Variants in ZNF423 observed in about 807,000 individuals in gnomAD.
ZNF423 encodes the protein Ebf-associated zinc finger protein.
A neutral mutation model predicts 95.8 loss-of-function variants in ZNF423; 12 were observed. The observed-to-expected ratio is 0.13, with a 90% CI of 0.08 to 0.20. The LOEUF (loss-of-function observed/expected upper bound fraction) is 0.20. Among genes scored for constraint, ZNF423 ranks in the 10% least tolerant of loss-of-function variants. ZNF423 has a pLI of 1.00. For missense variants in ZNF423, 1,316 were observed against 1,737.1 expected, an observed-to-expected ratio of 0.76 and a Z score of 4.31; for synonymous variants, 749 against 711.9, an observed-to-expected ratio of 1.05 and a Z score of -0.83.
At chr16:49,846,503 C>T (rs1381839371) in intron 1 of ZNF423, among the ~76,000 whole-genome samples, 1 of 152,134 alleles carries the variant, frequency 6.6e-6, no homozygotes, top group Admixed American at 6.5e-5. Flanking sequence ...AACAGTGAAT[C>T]TTCCCAAAAT....
intron 7 of ZNF423, among the ~76,000 whole-genome samples, chr16:49,504,293 C>T (rs1427233131): frequency 1.3e-5 from 2 of 152,214 alleles, no homozygotes; most frequent in African/African-American, 4.8e-5. Flanking sequence ...AGGCCAGGCA[C>T]AGTGGCTCAC....
At chr16:49,578,347 C>A (rs916686106) in intron 5 of ZNF423, among the ~76,000 whole-genome samples, 1 of 152,230 alleles carries the variant, frequency 6.6e-6, no homozygotes, top group African/African-American at 2.4e-5. Flanking sequence ...TGCTAAGGGT[C>A]TTCTTCATTT....
At chr16:49,834,234 C>T (rs1294089778) in intron 1 of ZNF423, among the ~76,000 whole-genome samples, 1 of 152,170 alleles carries the variant, frequency 6.6e-6, no homozygotes. Flanking sequence ...AAGTGACTTC[C>T]TCTCTCGGTG....
chr16:49,496,512 T>G (rs1435713438), intron 7 of ZNF423, among the ~76,000 whole-genome samples: 4 of 152,212 alleles, frequency 2.6e-5, no homozygotes, highest in Admixed American at 2.0e-4. Flanking sequence ...TCCATCATCA[T>G]TGGAAGCTTC....
At chr16:49,706,233 T>G (rs2032346074) in intron 3 of ZNF423, among the ~76,000 whole-genome samples, 1 of 152,132 alleles carries the variant, frequency 6.6e-6, no homozygotes, top group Admixed American at 6.5e-5. Flanking sequence ...CCCTCACCAC[T>G]CCCCATCAAA....
chr16:49,733,601 G>A (rs961992451), intron 2 of ZNF423, among the ~76,000 whole-genome samples: 4 of 152,280 alleles, frequency 2.6e-5, no homozygotes, highest in Middle Eastern at 3.4e-3. Context: ...CCCTATGGCC[G>A]GCTACTAATG....
chr16:49,843,380 G>A (rs1465145861), intron 1 of ZNF423, among the ~76,000 whole-genome samples: 1 of 152,092 alleles, frequency 6.6e-6, no homozygotes, highest in East Asian at 1.9e-4. Context: ...TAGACTAATG[G>A]TTCCTAACCC....
chr16:49,791,261 G>T (rs922646438), intron 1 of ZNF423, among the ~76,000 whole-genome samples: 2 of 152,170 alleles, frequency 1.3e-5, no homozygotes, highest in African/African-American at 4.8e-5. Context: ...TACAGCTGGG[G>T]TGGGTTTTCA....
At chr16:49,770,742 A>G (rs1470078145) in intron 2 of ZNF423, among the ~76,000 whole-genome samples, 3 of 152,180 alleles carry the variant, frequency 2.0e-5, no homozygotes, top group Non-Finnish European at 4.4e-5. Flanking sequence ...CGGGCCTACA[A>G]GAGATCATCT....
At chr16:49,510,161 T>G (rs1202500480) in intron 7 of ZNF423, among the ~76,000 whole-genome samples, 4 of 152,200 alleles carry the variant, frequency 2.6e-5, no homozygotes, top group African/African-American at 9.6e-5. Context: ...AGATGTTGCC[T>G]CCTCCATGTG....
intron 5 of ZNF423, among the ~76,000 whole-genome samples, chr16:49,554,735 G>A: frequency 6.6e-6 from 1 of 151,872 alleles, no homozygotes; most frequent in South Asian, 2.1e-4. Context: ...GATTATTGTA[G>A]GAAATTTGCA....
chr16:49,611,004 C>T (rs552978909), intron 5 of ZNF423, among the ~76,000 whole-genome samples: 11 of 152,110 alleles, frequency 7.2e-5, no homozygotes, highest in African/African-American at 2.6e-4. Context: ...GCAAAATATG[C>T]TAAGCAAAAG....
intron 4 of ZNF423, among the ~76,000 whole-genome samples, chr16:49,632,594 G>A (rs745619450): frequency 4.6e-5 from 7 of 152,040 alleles, no homozygotes; most frequent in East Asian, 1.9e-4. Flanking sequence ...CAGGAAACAC[G>A]GTCCCCTTGA....
chr16:49,609,615 C>T (rs1226150881), intron 5 of ZNF423, among the ~76,000 whole-genome samples: 1 of 151,556 alleles, frequency 6.6e-6, no homozygotes, highest in Non-Finnish European at 1.5e-5. Flanking sequence ...ATAGGCCTAA[C>T]AGCAGAAGAG....
intron 5 of ZNF423, among the ~76,000 whole-genome samples, chr16:49,568,931 A>G (rs942990562): frequency 5.3e-5 from 8 of 151,420 alleles, no homozygotes; most frequent in African/African-American, 1.9e-4. Flanking sequence ...CAGACCTTTA[A>G]CTCTTCATGT....
chr16:49,572,568 T>C (rs906536767), intron 5 of ZNF423, among the ~76,000 whole-genome samples: 3 of 152,138 alleles, frequency 2.0e-5, no homozygotes, highest in Admixed American at 6.5e-5. Flanking sequence ...GTGGGCTTCT[T>C]TCTACAGGCA....
chr16:49,651,347 G>A (rs1973394068), intron 3 of ZNF423, among the ~76,000 whole-genome samples: 1 of 152,126 alleles, frequency 6.6e-6, no homozygotes, highest in South Asian at 2.1e-4. Context: ...TTTCTTGAAG[G>A]AGAAGAAGGC....
chr16:49,528,773 C>T (rs527539489), intron 5 of ZNF423, among the ~76,000 whole-genome samples: 22 of 133,450 alleles, frequency 1.6e-4, no homozygotes, highest in African/African-American at 3.3e-4. Context: ...GGGGGAGGGC[C>T]GGGGAGGTGG....
intron 5 of ZNF423, among the ~76,000 whole-genome samples, chr16:49,587,248 A>T (rs1231429171): frequency 2.0e-5 from 3 of 152,178 alleles, no homozygotes; most frequent in Non-Finnish European, 4.4e-5. Flanking sequence ...ACAATGACAG[A>T]CAGGCCTTGG....
Sources: gnomAD v4.1 joint callset for allele counts (sites outside exome capture counted in the v4.1 genomes callset) on GRCh38, gnomAD v4.1.1 for gene constraint, MANE v1.5 for transcripts, NCBI Gene and HGNC (gene_info 2026-07-23, HGNC 2026-07-21) for gene names.